The following TTC7B variants were observed in gnomAD, a reference collection of about 807,000 sequenced individuals.
TTC7B encodes the protein tetratricopeptide repeat protein 7B.
A neutral mutation model predicts 106.8 loss-of-function variants in TTC7B; 28 were observed. The ratio of observed to expected loss-of-function variants is 0.26; its 90% CI spans 0.19 to 0.36. The LOEUF is 0.36. Among genes scored for constraint, TTC7B ranks in the 10% least tolerant of loss-of-function variants. TTC7B has a pLI of 1.00. For missense variants in TTC7B, 862 were observed against 1,076.4 expected, an observed-to-expected ratio of 0.80 and a Z score of 2.79; for synonymous variants, 405 against 430.6, an observed-to-expected ratio of 0.94 and a Z score of 0.74.
chr14:90,636,872 T>C (rs1365727739), intron 15 of TTC7B, among the ~76,000 whole-genome samples: 3 of 151,766 alleles, frequency 2.0e-5, no homozygotes, highest in Non-Finnish European at 4.4e-5. Flanking sequence ...ACTTGTAGTT[T>C]ACAGCTACAG....
chr14:90,798,280 G>A (rs1042652155), intron 1 of TTC7B, among the ~76,000 whole-genome samples: 7 of 152,290 alleles, frequency 4.6e-5, no homozygotes, highest in African/African-American at 1.7e-4. Flanking sequence ...ACTGATGGAT[G>A]AGCGAGCCCT....
intron 2 of TTC7B, among the ~76,000 whole-genome samples, chr14:90,782,385 C>A (rs137950132): frequency 1.6e-4 from 24 of 152,064 alleles, no homozygotes; most frequent in African/African-American, 5.3e-4. Context: ...GATCACTTGA[C>A]GCCAGAAGTT....
At chr14:90,780,563 C>T (rs1006988574) in intron 3 of TTC7B, among the ~76,000 whole-genome samples, 175 bp downstream of exon 3, 1 of 152,196 alleles carries the variant, frequency 6.6e-6, no homozygotes, top group African/African-American at 2.4e-5. Context: ...CTTGGAGGGA[C>T]AAATCCCTGC....
chr14:90,640,100 G>A (rs1436713852), intron 15 of TTC7B, among the ~76,000 whole-genome samples: 1 of 152,262 alleles, frequency 6.6e-6, no homozygotes, highest in Non-Finnish European at 1.5e-5. Flanking sequence ...CCAACGTGGT[G>A]AAACCCCATC....
chr14:90,554,251 C>T (rs1311992019), intron 19 of TTC7B, among the ~76,000 whole-genome samples: 1 of 152,232 alleles, frequency 6.6e-6, no homozygotes, highest in African/African-American at 2.4e-5. Context: ...CAGTCCCCCA[C>T]CCACTCTGCG....
chr14:90,717,068 G>C (rs1888685198), intron 5 of TTC7B, among the ~76,000 whole-genome samples: 1 of 152,182 alleles, frequency 6.6e-6, no homozygotes, highest in Non-Finnish European at 1.5e-5. Flanking sequence ...AGCCAGGCGT[G>C]GTGACTCACG....
At chr14:90,622,664 AG>A (rs1884258560) in intron 15 of TTC7B, among the ~76,000 whole-genome samples, 1 of 152,100 alleles carries the variant, frequency 6.6e-6, no homozygotes, top group African/African-American at 2.4e-5. Context: ...CTAGAGGTCA[AG>A]GCTGCAGTGA....
chr14:90,663,423 G>C lies in TTC7B; in HGVS notation c.1153-5036C>G, dbSNP rs915664814. ...CCCCTAAAAAGGCCACATGCTTCTT[G>C]AACTGTTTCAGAGACTCAGCGATAT... On this transcript the variant is annotated intron_variant, in intron 9 of 19. Coordinates refer to ENST00000328459, the MANE Select transcript of TTC7B (RefSeq NM_001010854.2). The surrounding 1 kb of genome is among the most constrained non-coding windows in gnomAD (Gnocchi z 4.5). Among the ~76,000 whole-genome samples the C allele has an allele frequency of 6.6e-6, 1 of 151,658 alleles. No individual in the cohort carries two copies. The highest frequency in any genetic ancestry group is 2.4e-5 in the African/African-American group (1 of 41,134).
chr14:90,626,248 G>T (rs1022896109), intron 15 of TTC7B, among the ~76,000 whole-genome samples: 27 of 152,294 alleles, frequency 1.8e-4, no homozygotes, highest in South Asian at 1.0e-3. Flanking sequence ...AGAACTGGGG[G>T]AGCATGTCTT....
intron 4 of TTC7B, among the ~76,000 whole-genome samples, chr14:90,732,960 C>T (rs906328441): frequency 6.6e-6 from 1 of 152,124 alleles, no homozygotes; most frequent in African/African-American, 2.4e-5. Flanking sequence ...TTTCCTATTC[C>T]TTCATTACAT....
chr14:90,650,586 C>T (rs753451385), intron 13 of TTC7B, among the ~76,000 whole-genome samples: 1 of 152,182 alleles, frequency 6.6e-6, no homozygotes, highest in East Asian at 1.9e-4. Flanking sequence ...CCCTGTGCCA[C>T]AATGAGTGAT....
At chr14:90,761,299 C>T (rs936155734) in intron 3 of TTC7B, among the ~76,000 whole-genome samples, 2 of 152,222 alleles carry the variant, frequency 1.3e-5, no homozygotes, top group Non-Finnish European at 2.9e-5. Flanking sequence ...CAGATAACAT[C>T]ACTACTGTAG....
intron 3 of TTC7B, among the ~76,000 whole-genome samples, chr14:90,766,229 A>ATTT (rs573977254): frequency 2.7e-4 from 40 of 146,886 alleles, no homozygotes; most frequent in Non-Finnish European, 5.2e-4. Context: ...TCAAATGTCT[A>ATTT]TTTTTCAACA....
chr14:90,593,314 T>C (rs1286470), intron 18 of TTC7B, among the ~76,000 whole-genome samples, 172 bp downstream of exon 18: 37,843 of 152,214 alleles, frequency 0.25, 4,705 homozygotes, highest in Middle Eastern at 0.3. Context: ...ACTTGCGGTT[T>C]GTGCAAAGTA....
intron 15 of TTC7B, among the ~76,000 whole-genome samples, chr14:90,634,802 G>T (rs1324969944): frequency 6.6e-6 from 1 of 151,970 alleles, no homozygotes; most frequent in Non-Finnish European, 1.5e-5. Flanking sequence ...AAGAAGAGAA[G>T]TAATATATGA....
intron 3 of TTC7B, among the ~76,000 whole-genome samples, chr14:90,761,296 C>T (rs1890491710): frequency 6.6e-6 from 1 of 152,226 alleles, no homozygotes; most frequent in Non-Finnish European, 1.5e-5. Flanking sequence ...CTGCAGATAA[C>T]ATCACTACTG....
intron 3 of TTC7B, among the ~76,000 whole-genome samples, chr14:90,746,724 C>T (rs1168230732): frequency 1.3e-5 from 2 of 152,160 alleles, no homozygotes; most frequent in Non-Finnish European, 2.9e-5. Context: ...GCAATTTCTC[C>T]GTAAGGTCTG....
At chr14:90,700,002 C>A (rs554883011) in intron 5 of TTC7B, among the ~76,000 whole-genome samples, 2 of 152,220 alleles carry the variant, frequency 1.3e-5, no homozygotes, top group Non-Finnish European at 2.9e-5. Flanking sequence ...TGAAAAAGAA[C>A]CATCATGAGC....
chr14:90,587,692 G>A (rs909631497), intron 18 of TTC7B, among the ~76,000 whole-genome samples: 4 of 152,308 alleles, frequency 2.6e-5, no homozygotes, highest in Non-Finnish European at 2.9e-5. Context: ...TGCCATGAAG[G>A]CCAGGAGCTG....
Sources: allele counts gnomAD v4.1 joint callset (sites outside exome capture counted in the v4.1 genomes callset), GRCh38; gene constraint gnomAD v4.1.1; non-coding constraint Gnocchi (gnomAD v3.1); transcripts MANE v1.5; gene names NCBI Gene and HGNC (gene_info 2026-07-23, HGNC 2026-07-21).